SRGAP3: variants seen among roughly 807,000 people sequenced by gnomAD.
The protein encoded by SRGAP3 is SLIT-ROBO Rho GTPase activating protein 3, also known as SLIT-ROBO Rho GTPase-activating protein 3.
A neutral mutation model predicts 121.1 loss-of-function variants in SRGAP3; 39 were observed. The observed-to-expected ratio is 0.32, with a 90% CI of 0.25 to 0.42. The LOEUF is 0.42. SRGAP3 is among the 10% of genes least tolerant of loss of function. SRGAP3 has a pLI of 1.00. For missense variants in SRGAP3, 1,213 were observed against 1,470.6 expected, an observed-to-expected ratio of 0.82 and a Z score of 2.86; for synonymous variants, 601 against 570.0, an observed-to-expected ratio of 1.05 and a Z score of -0.77.
chr3:8,981,031 C>T lies in SRGAP3; in HGVS notation c.*4488G>A, dbSNP rs750220217. ...TTTGTTATTGGCCGGGGACAACTCA[C>T]ACAGAAAGGAGGTGTCAACAAGGGG... On this transcript the variant is annotated 3_prime_UTR_variant, in exon 22 of 22. Coordinates refer to ENST00000383836, the MANE Select transcript of SRGAP3 (RefSeq NM_014850.4). 18 of 233,092 alleles carry T rather than the reference C, an allele frequency of 7.7e-5. No individual in the cohort carries two copies. The highest frequency in any genetic ancestry group is 1.5e-4 in the Non-Finnish European group (18 of 117,862). 14.4% of individuals were successfully genotyped at this position (233,092 alleles called of 1,614,324 possible).
At chr3:9,326,036 T>A (rs1214674761) in exon 3 of SRGAP3, 3 of 151,848 alleles carry the variant, frequency 2.0e-5, no homozygotes, top group African/African-American at 7.2e-5. Flanking sequence ...GGTGTACAGT[T>A]CCAGGAGTGT....
chr3:9,096,959 AT>A (rs1345817055), intron 3 of SRGAP3, among the ~76,000 whole-genome samples: 1,238 of 97,550 alleles, frequency 0.013, 18 homozygotes, highest in Non-Finnish European at 0.019. Flanking sequence ...ATATATATAT[AT>A]ATATATATAT....
chr3:9,181,443 T>G (rs1395965002), intron 1 of SRGAP3, among the ~76,000 whole-genome samples: 1 of 152,172 alleles, frequency 6.6e-6, no homozygotes, highest in Non-Finnish European at 1.5e-5. Context: ...CTCAGGGGGT[T>G]TTTTGCTTAG....
Position 9,053,347 on chromosome 3 carries a change from A to G in SRGAP3, c.1126-123T>C, listed in dbSNP as rs575809968. On this transcript the variant is annotated intron_variant, in intron 8 of 21. Coordinates refer to ENST00000383836, the MANE Select transcript of SRGAP3 (RefSeq NM_014850.4). Reference sequence around the variant, plus strand: ...GAAGTCCCTAGGATATAGGCAGAACAAAAATAATCCTTCTCACTGTATTAA... The same window carrying G: ...GAAGTCCCTAGGATATAGGCAGAACGAAAATAATCCTTCTCACTGTATTAA... 260 of 982,688 alleles carry G rather than the reference A, an allele frequency of 2.6e-4. 1 individual carries two copies. The Middle Eastern group carries it at 2.7e-3, about 10-fold the overall frequency. 60.9% of individuals were successfully genotyped at this position (982,688 alleles called of 1,614,324 possible).
intron 10 of SRGAP3, among the ~76,000 whole-genome samples, chr3:9,044,458 C>T (rs1390526505): frequency 1.3e-5 from 2 of 152,196 alleles, no homozygotes; most frequent in African/African-American, 4.8e-5. Flanking sequence ...GAAATTTGCT[C>T]AGCGTGCTCA....
At chr3:9,057,009 G>A (rs1397285160) in intron 7 of SRGAP3, among the ~76,000 whole-genome samples, 25 of 152,208 alleles carry the variant, frequency 1.6e-4, no homozygotes, top group African/African-American at 5.1e-4. Context: ...AGTCTCCCGA[G>A]TAGCTGGGAC....
chr3:9,072,625 G>A (rs1946773235), intron 4 of SRGAP3, among the ~76,000 whole-genome samples: 1 of 152,204 alleles, frequency 6.6e-6, no homozygotes, highest in African/African-American at 2.4e-5. Flanking sequence ...AGGGCACAGT[G>A]GCATGAAGAT....
At chr3:9,164,276 TTTTA>T (rs111936459) in intron 1 of SRGAP3, among the ~76,000 whole-genome samples, 11 of 140,848 alleles carry the variant, frequency 7.8e-5, no homozygotes, top group East Asian at 2.0e-4. Flanking sequence ...ACCCAGACTA[TTTTA>T]TTTATTTATT....
intron 10 of SRGAP3, among the ~76,000 whole-genome samples, chr3:9,042,244 A>T (rs1186156803): frequency 1.3e-5 from 2 of 152,098 alleles, no homozygotes; most frequent in African/African-American, 4.8e-5. Context: ...TTTTGTGTGT[A>T]TGTGTGTACT....
intron 1 of SRGAP3, among the ~76,000 whole-genome samples, chr3:9,225,621 C>A (rs770693734): frequency 6.6e-6 from 1 of 152,132 alleles, no homozygotes; most frequent in Non-Finnish European, 1.5e-5. Context: ...CATCCCCTGG[C>A]AAACTCCCAG....
chr3:9,119,927 C>T (rs1044656284), intron 2 of SRGAP3, among the ~76,000 whole-genome samples: 1 of 152,228 alleles, frequency 6.6e-6, no homozygotes, highest in Non-Finnish European at 1.5e-5. Flanking sequence ...ATGCCACATA[C>T]AGCAGAAAAA....
intron 1 of SRGAP3, among the ~76,000 whole-genome samples, chr3:9,147,845 T>C (rs887682848): frequency 2.0e-5 from 3 of 152,072 alleles, no homozygotes; most frequent in African/African-American, 7.2e-5. Context: ...GCAGATGACA[T>C]GGGCAGGCCA....
Position 8,981,092 on chromosome 3 carries a change from C to T in SRGAP3, c.*4427G>A. 1 of 232,990 alleles carries T rather than the reference C, an allele frequency of 4.3e-6. No individual in the cohort carries two copies. The highest frequency in any genetic ancestry group is 8.5e-6 in the Non-Finnish European group (1 of 117,812). 14.4% of individuals were successfully genotyped at this position (232,990 alleles called of 1,614,324 possible). On this transcript the variant is annotated 3_prime_UTR_variant, in exon 22 of 22. Transcript: ENST00000383836. ...CATGTGGCCAGTCCCAGAGGGACAGCAGGACACTGGCAGATCAATCTCAGG... is the reference window on the plus strand; with the variant it reads ...CATGTGGCCAGTCCCAGAGGGACAGTAGGACACTGGCAGATCAATCTCAGG...
In SRGAP3 at chr3:9,153,564, T is replaced by G. The variant is rs376180361; in HGVS notation, c.68-28647A>C. Among the ~76,000 whole-genome samples, 49 of 152,348 alleles carry G rather than the reference T, an allele frequency of 3.2e-4. No individual in the cohort carries two copies. The South Asian group carries it at 6.6e-3, about 21-fold the overall frequency. On this transcript the variant is annotated intron_variant, in intron 1 of 21. Coordinates refer to ENST00000383836, the MANE Select transcript of SRGAP3 (RefSeq NM_014850.4). ...AGCTGGATGGGGGCCTGTATTCATC[T>G]AGGTTAGTCATTTTATTTTGTTAAG...
intron 1 of SRGAP3, among the ~76,000 whole-genome samples, chr3:9,151,248 T>A (rs1950198116): frequency 6.6e-6 from 1 of 151,212 alleles, no homozygotes; most frequent in Non-Finnish European, 1.5e-5. Flanking sequence ...CTGAGGAGAA[T>A]GGGGGAAGAG....
chr3:9,345,205 A>G (rs1454685427), intron 1 of SRGAP3, among the ~76,000 whole-genome samples: 1 of 152,122 alleles, frequency 6.6e-6, no homozygotes, highest in Non-Finnish European at 1.5e-5. Flanking sequence ...AGAACAGAAA[A>G]GCAGGCCAGG....
chr3:9,163,083 T>G (rs751254890), intron 1 of SRGAP3, among the ~76,000 whole-genome samples: 7 of 152,188 alleles, frequency 4.6e-5, no homozygotes, highest in Non-Finnish European at 1.0e-4. Context: ...CTGATACAGG[T>G]AGAACAATTC....
rs374260912 is a variant in SRGAP3, at chr3:9,173,159, A to G, written c.68-48242T>C. Among the ~76,000 whole-genome samples, 64 of 152,142 alleles carry G rather than the reference A, an allele frequency of 4.2e-4. 1 individual carries two copies. The highest frequency in any genetic ancestry group is 1.2e-3 in the Admixed American group (18 of 15,288). On this transcript the variant is annotated intron_variant, in intron 1 of 21. Coordinates refer to ENST00000383836, the MANE Select transcript of SRGAP3 (RefSeq NM_014850.4). ...CAGCTCTGAGCTGGGCGCTTCCCAC[A>G]CTCCCTGCTTCAGCGGCAACAGGGC...
At chr3:9,119,310 C>T (rs1948918884) in intron 2 of SRGAP3, among the ~76,000 whole-genome samples, 1 of 152,234 alleles carries the variant, frequency 6.6e-6, no homozygotes, top group African/African-American at 2.4e-5. Flanking sequence ...CTGTCCCTGC[C>T]TGGAGAGCTA....
Sources: gnomAD v4.1 joint callset for allele counts (sites outside exome capture counted in the v4.1 genomes callset) on GRCh38, gnomAD v4.1.1 for gene constraint, MANE v1.5 for transcripts, NCBI Gene and HGNC (gene_info 2026-07-23, HGNC 2026-07-21) for gene names.